ADAMTS2: variants seen among roughly 807,000 people sequenced by gnomAD.
ADAMTS2 encodes the protein A disintegrin and metalloproteinase with thrombospondin motifs 2.
A neutral mutation model predicts 123.0 loss-of-function variants in ADAMTS2; 50 were observed. The observed-to-expected ratio is 0.41, with a 90% CI of 0.32 to 0.51. The LOEUF is 0.51. ADAMTS2 is among the 20% of genes least tolerant of loss of function. The pLI, the probability that ADAMTS2 is intolerant of heterozygous loss-of-function variation, is 0.35. For synonymous variants in ADAMTS2, 678 were observed against 695.4 expected (o/e 0.98, Z 0.39); for missense variants, 1,494 against 1,705.2 (o/e 0.88, Z 2.18).
intron 6 of ADAMTS2, among the ~76,000 whole-genome samples, chr5:179,156,235 G>A (rs1763467956): frequency 6.6e-6 from 1 of 151,922 alleles, no homozygotes; most frequent in African/African-American, 2.4e-5. Context: ...TCTCTCTCCG[G>A]AATCTTATTA....
chr5:179,208,647 T>G (rs1252001336), intron 3 of ADAMTS2, among the ~76,000 whole-genome samples: 1 of 152,132 alleles, frequency 6.6e-6, no homozygotes, highest in African/African-American at 2.4e-5. Flanking sequence ...TTCCCAGCCC[T>G]CCACTGCCCG....
At chr5:179,296,414 G>T (rs1756333694) in intron 2 of ADAMTS2, among the ~76,000 whole-genome samples, 2 of 152,130 alleles carry the variant, frequency 1.3e-5, no homozygotes, top group Admixed American at 1.3e-4. Flanking sequence ...GCCTGCAGAG[G>T]CCAGCAGTCA....
rs1266663991 is a variant in ADAMTS2 at position 179,242,584 on chromosome 5, T to C, written c.688+30327A>G. Among the ~76,000 whole-genome samples the C allele has an allele frequency of 6.6e-6, 1 of 152,200 alleles. No homozygotes were observed. The highest frequency in any genetic ancestry group is 1.9e-4 in the East Asian group (1 of 5,186). ...ACAACAAACTAAGCAACATCATCTA[T>C]TCAAGAAAATCAACCAAATCTTGGG... On this transcript the variant is annotated intron_variant, in intron 3 of 21. Transcript: ENST00000251582. The surrounding 1 kb of genome is among the most constrained non-coding windows in gnomAD (Gnocchi z 4.2).
In ADAMTS2 at chr5:179,150,524, G is replaced by A. The variant is rs1259813766; in HGVS notation, c.1629+1618C>T. ...GCCAAAAGGTGGAAACCAACCAAAT[G>A]TCCCTCCGTGGAGAAACGGATACAC... On this transcript the variant is annotated intron_variant, in intron 10 of 21. Transcript: ENST00000251582. Among the ~76,000 whole-genome samples, 5 of 152,320 alleles carry A rather than the reference G, an allele frequency of 3.3e-5. No individual in the cohort carries two copies. In the East Asian group the frequency reaches 9.6e-4, roughly 29 times the overall value.
Position 179,156,359 on chromosome 5 carries a change from A to ATTTTT in ADAMTS2, c.1133-1445_1133-1441dup, listed in dbSNP as rs397967558. ...CCTTGACTTTTTATTTCAGCTTTCG[A>ATTTTT]TTTTTTTTTTTTTTTTTTGAGATGG... On this transcript the variant is annotated intron_variant, in intron 6 of 21. Transcript: ENST00000251582. Among the ~76,000 whole-genome samples the ATTTTT allele has an allele frequency of 5.8e-4, 71 of 122,350 alleles. 2 individuals carry two copies. The highest frequency in any genetic ancestry group is 1.5e-3 in the African/African-American group (47 of 32,066). 80.3% of individuals were successfully genotyped at this position (122,350 alleles called of 152,430 possible).
chr5:179,238,724 C>T (rs538832385), intron 3 of ADAMTS2, among the ~76,000 whole-genome samples: 9 of 152,234 alleles, frequency 5.9e-5, no homozygotes, highest in Non-Finnish European at 8.8e-5. Context: ...GGTCCCAGGG[C>T]GAGGCGCTGG....
At chr5:179,340,929 A>G (rs1231463393) in intron 2 of ADAMTS2, among the ~76,000 whole-genome samples, 2 of 152,132 alleles carry the variant, frequency 1.3e-5, no homozygotes, top group South Asian at 2.1e-4. Flanking sequence ...GAGGCACAAC[A>G]CCACTCTGTG....
chr5:179,296,535 C>T (rs1053504857), intron 2 of ADAMTS2, among the ~76,000 whole-genome samples: 2 of 152,054 alleles, frequency 1.3e-5, no homozygotes, highest in Admixed American at 6.6e-5. Flanking sequence ...AAGCAGGAGG[C>T]GGGAGACAGT....
At chr5:179,275,411 G>A (rs1561671613) in intron 2 of ADAMTS2, among the ~76,000 whole-genome samples, 1 of 152,078 alleles carries the variant, frequency 6.6e-6, no homozygotes. Flanking sequence ...CTGAAGAACC[G>A]GCCCCCAAAG....
At chr5:179,152,049 C>A in intron 10 of ADAMTS2, 93 bp downstream of exon 10, 1 of 1,182,318 alleles carries the variant, frequency 8.5e-7, no homozygotes. Flanking sequence ...AGGGCCCCCA[C>A]CCCCACTTCA....
chr5:179,231,006 G>A (rs1302705900), intron 3 of ADAMTS2, among the ~76,000 whole-genome samples: 11 of 150,472 alleles, frequency 7.3e-5, no homozygotes, highest in South Asian at 6.5e-4. Flanking sequence ...GCGAAACTCA[G>A]TCTCAAAAAA....
At chr5:179,195,501 G>T (rs61292755) in intron 4 of ADAMTS2, among the ~76,000 whole-genome samples, 2,541 of 152,330 alleles carry the variant, frequency 0.017, 85 homozygotes, top group African/African-American at 0.057. Context: ...CCCAAAAAAA[G>T]TAGATTTCCA....
At chr5:179,141,787 C>T (rs1482079086) in intron 10 of ADAMTS2, among the ~76,000 whole-genome samples, 1 of 152,202 alleles carries the variant, frequency 6.6e-6, no homozygotes, top group Admixed American at 6.5e-5. Context: ...GTTGCAGAGT[C>T]TCTCTCTGGT....
chr5:179,237,226 G>A (rs981959394), intron 3 of ADAMTS2, among the ~76,000 whole-genome samples: 37 of 152,296 alleles, frequency 2.4e-4, no homozygotes, highest in African/African-American at 7.2e-4. Flanking sequence ...TCGTGCCACT[G>A]CACTCCAGCC....
At chr5:179,227,770 AGGAG>A (rs1244255706) in intron 3 of ADAMTS2, among the ~76,000 whole-genome samples, 1 of 152,030 alleles carries the variant, frequency 6.6e-6, no homozygotes, top group Non-Finnish European at 1.5e-5. Context: ...TGCTGTGCCA[AGGAG>A]GGAGGGCCAG....
Position 179,170,400 on chromosome 5 carries a change from G to C in ADAMTS2, c.975+10672C>G, listed in dbSNP as rs1311187089. On this transcript the variant is annotated intron_variant, in intron 5 of 21. Coordinates refer to ENST00000251582, the MANE Select transcript of ADAMTS2 (RefSeq NM_014244.5). This position sits in a 1 kb window ranked among gnomAD's most constrained non-coding sequence, Gnocchi z 4.3. ...TCCCCCAGAGTCTGTCCCCACCGTG[G>C]GGGGGACAGCTCAGCCCCCTCCTGA... Among the ~76,000 whole-genome samples, 1 of 152,042 alleles carries C rather than the reference G, an allele frequency of 6.6e-6. No homozygotes were observed. Among genetic ancestry groups the C allele is most frequent in the Non-Finnish European group, 1.5e-5 (1 of 68,016 alleles).
chr5:179,261,880 C>G (rs1766233603), intron 3 of ADAMTS2, among the ~76,000 whole-genome samples: 1 of 152,190 alleles, frequency 6.6e-6, no homozygotes. Flanking sequence ...CACACACGTC[C>G]ATGGGACCCC....
At chr5:179,124,135 C>T (rs951345459) in intron 19 of ADAMTS2, among the ~76,000 whole-genome samples, 3 of 152,164 alleles carry the variant, frequency 2.0e-5, no homozygotes, top group Non-Finnish European at 4.4e-5. Context: ...ATCCTTTCAC[C>T]GTAAGCCCCT....
chr5:179,217,779 A>G (rs463724), intron 3 of ADAMTS2, among the ~76,000 whole-genome samples: 3 of 92,244 alleles, frequency 3.3e-5, no homozygotes, highest in African/African-American at 9.9e-5. Flanking sequence ...GGGCACACTC[A>G]CTAGGGGATG....
Sources: allele counts gnomAD v4.1 joint callset (sites outside exome capture counted in the v4.1 genomes callset), GRCh38; gene constraint gnomAD v4.1.1; non-coding constraint Gnocchi (gnomAD v3.1); transcripts MANE v1.5; gene names NCBI Gene and HGNC (gene_info 2026-07-23, HGNC 2026-07-21).